RHBDL3: variants seen among roughly 807,000 people sequenced by gnomAD.
RHBDL3 encodes the protein rhomboid like 3.
In RHBDL3, 28 loss-of-function variants were observed where a neutral mutation model predicts 48.2. That is an observed-to-expected ratio of 0.58 (90% CI 0.43 to 0.80). The LOEUF is 0.80. Ranked by LOEUF, RHBDL3 falls within the 30% of genes least tolerant of loss-of-function variation. The pLI, the probability that RHBDL3 is intolerant of heterozygous loss-of-function variation, is 0.00. For missense variants in RHBDL3, 464 were observed against 542.7 expected (o/e 0.85, Z 1.44); for synonymous variants, 208 against 232.3 (o/e 0.90, Z 0.95).
chr17:32,299,004 A>G lies in RHBDL3; in HGVS notation c.781+800A>G, dbSNP rs1003991811. 3.4e-5 allele frequency among the ~76,000 whole-genome samples: 5 copies of G among 149,078 alleles called. No homozygotes were observed. In the South Asian group the frequency reaches 1.0e-3, roughly 31 times the overall value. On this transcript the variant is annotated intron_variant, in intron 6 of 8. Transcript: ENST00000269051. ...GCGTCTGCCAGCCAGGCCTCTGAACATGAGGATCTCCCTCGTGATGTCTCC... is the reference window on the plus strand; with the variant it reads ...GCGTCTGCCAGCCAGGCCTCTGAACGTGAGGATCTCCCTCGTGATGTCTCC...
intron 8 of RHBDL3, among the ~76,000 whole-genome samples, chr17:32,319,903 C>T (rs7218101): frequency 0.035 from 5,293 of 152,180 alleles, 303 homozygotes; most frequent in African/African-American, 0.11. Flanking sequence ...TCCTAGCGCC[C>T]ATCCCCACTT....
At chr17:32,296,666 T>G (rs1247283831) in intron 5 of RHBDL3, among the ~76,000 whole-genome samples, 1 of 152,012 alleles carries the variant, frequency 6.6e-6, no homozygotes, top group East Asian at 1.9e-4. Context: ...AAGAGAAACC[T>G]CTCTTATGAG....
intron 7 of RHBDL3, among the ~76,000 whole-genome samples, chr17:32,307,619 G>C (rs2040741674): frequency 6.6e-6 from 1 of 152,216 alleles, no homozygotes; most frequent in Non-Finnish European, 1.5e-5. Context: ...GGCACCTTCA[G>C]GTGAGTGCTC....
At position 32,284,845 on chromosome 17, in the gene RHBDL3, G is replaced by A. The variant is rs183426523; in HGVS notation, c.294+28G>A. On this transcript the variant is annotated intron_variant, in intron 3 of 8. Coordinates refer to ENST00000269051, the MANE Select transcript of RHBDL3 (RefSeq NM_138328.3). ...GAGTGCTCTGGGGCCCTTGGTACTC[G>A]GGGGGACCTGTTTGAGGGTTATGGC... 6.3e-6 allele frequency: 10 copies of A among 1,596,792 alleles called. No individual in the cohort carries two copies. In the East Asian group the frequency reaches 6.7e-5, roughly 11 times the overall value.
At chr17:32,306,859 T>C (rs2040722871) in intron 7 of RHBDL3, among the ~76,000 whole-genome samples, 1 of 152,066 alleles carries the variant, frequency 6.6e-6, no homozygotes, top group African/African-American at 2.4e-5. Flanking sequence ...AAGCAGAGGT[T>C]ACAGTGAGCA....
At chr17:32,270,132 CAAAAAAAAAAAAAAAA>C (rs66986205) in intron 2 of RHBDL3, among the ~76,000 whole-genome samples, 23 of 68,104 alleles carry the variant, frequency 3.4e-4, no homozygotes, top group South Asian at 6.6e-4. Context: ...GACCCTTTCT[CAAAAAAAAAAAAAAAA>C]AAAAAAAAAG....
chr17:32,310,903 A>AAAAAAG (rs2040833893), intron 7 of RHBDL3, among the ~76,000 whole-genome samples: 1 of 148,040 alleles, frequency 6.8e-6, no homozygotes, highest in African/African-American at 2.5e-5. Flanking sequence ...AAAAAAAAAA[A>AAAAAAG]GGTTTACTTT....
intron 4 of RHBDL3, among the ~76,000 whole-genome samples, chr17:32,290,023 C>T (rs1428812299): frequency 1.3e-5 from 2 of 152,204 alleles, no homozygotes; most frequent in Non-Finnish European, 2.9e-5. Flanking sequence ...GTTCTTCAAG[C>T]GCTTACTGTG....
At chr17:32,267,818 C>A (rs1354729156) in intron 1 of RHBDL3, 84 bp from the exon 2 acceptor site, 1 of 1,608,232 alleles carries the variant, frequency 6.2e-7, no homozygotes, top group Admixed American at 1.7e-5. Context: ...CAGAAACATC[C>A]GAGGACTACA....
At chr17:32,303,167 G>C (rs908949178) in intron 6 of RHBDL3, among the ~76,000 whole-genome samples, 14 of 152,178 alleles carry the variant, frequency 9.2e-5, no homozygotes, top group African/African-American at 3.1e-4. Context: ...CTTGACCCTC[G>C]CAGGGGCCCA....
intron 1 of RHBDL3, among the ~76,000 whole-genome samples, chr17:32,267,445 G>A (rs1212668422): frequency 1.3e-5 from 2 of 151,652 alleles, no homozygotes; most frequent in Non-Finnish European, 2.9e-5. Context: ...GGGGAGGGGG[G>A]GGCTCTAGCT....
At chr17:32,303,042 C>G (rs567403005) in intron 6 of RHBDL3, among the ~76,000 whole-genome samples, 3 of 152,356 alleles carry the variant, frequency 2.0e-5, no homozygotes, top group Admixed American at 2.0e-4. Context: ...CAAGGTCACA[C>G]AGCTAGCTGG....
intron 2 of RHBDL3, among the ~76,000 whole-genome samples, chr17:32,269,529 C>T (rs1456276072): frequency 4.6e-5 from 7 of 152,170 alleles, no homozygotes; most frequent in Non-Finnish European, 8.8e-5. Flanking sequence ...CCACATTAAC[C>T]ACGAGGTCTG....
chr17:32,320,040 A>C (rs1440667340), intron 8 of RHBDL3, among the ~76,000 whole-genome samples: 1 of 152,032 alleles, frequency 6.6e-6, no homozygotes, highest in East Asian at 1.9e-4. Context: ...TGGGAGGCTG[A>C]GGCAGGAAAC....
At chr17:32,274,860 G>T (rs1464812701) in intron 2 of RHBDL3, among the ~76,000 whole-genome samples, 1 of 152,084 alleles carries the variant, frequency 6.6e-6, no homozygotes, top group Non-Finnish European at 1.5e-5. Context: ...GTGTTTGTGT[G>T]TGCAAGAGTG....
chr17:32,282,728 T>TAC (rs1266572922), intron 2 of RHBDL3, among the ~76,000 whole-genome samples: 2 of 152,044 alleles, frequency 1.3e-5, no homozygotes, highest in South Asian at 2.1e-4. Context: ...GTTCAGGCCA[T>TAC]TCTCCTGCCT....
At chr17:32,267,314 G>C (rs544797537) in intron 1 of RHBDL3, among the ~76,000 whole-genome samples, 3 of 152,014 alleles carry the variant, frequency 2.0e-5, no homozygotes, top group Non-Finnish European at 4.4e-5. Context: ...AGAATGGGTG[G>C]GCTTCACCGC....
intron 7 of RHBDL3, among the ~76,000 whole-genome samples, chr17:32,313,498 C>T (rs142535605): frequency 3.0e-4 from 45 of 152,276 alleles, no homozygotes; most frequent in Middle Eastern, 3.4e-3. Flanking sequence ...GTACAATCAT[C>T]GCCATCTGTC....
rs116102432 is a variant in RHBDL3 at position 32,274,534 on chromosome 17, C to T, written c.135+6609C>T. ...TAAATTTGTTGTCTCATTTTGATCT[C>T]TCAGCAGCCCTGTGAGGTGTGTGGT... On this transcript the variant is annotated intron_variant, in intron 2 of 8. Coordinates refer to ENST00000269051, the MANE Select transcript of RHBDL3 (RefSeq NM_138328.3). Among the ~76,000 whole-genome samples, 308 of 152,300 alleles carry T rather than the reference C, an allele frequency of 2.0e-3. 3 individuals are homozygous for T. The highest frequency in any genetic ancestry group is 7.0e-3 in the African/African-American group (290 of 41,566).
Sources: allele counts gnomAD v4.1 joint callset (sites outside exome capture counted in the v4.1 genomes callset), GRCh38; gene constraint gnomAD v4.1.1; transcripts MANE v1.5; gene names NCBI Gene and HGNC (gene_info 2026-07-23, HGNC 2026-07-21).